The following USH1C variants were observed in gnomAD, a reference collection of about 807,000 sequenced individuals.
USH1C encodes harmonin.
Under a neutral mutation model 119.3 loss-of-function variants are expected in USH1C, and 90 were observed. The observed-to-expected ratio is 0.75, with a 90% CI of 0.64 to 0.90. The LOEUF (loss-of-function observed/expected upper bound fraction) is 0.90. USH1C is among the 40% of genes least tolerant of loss of function. The probability of loss-of-function intolerance (pLI) is 0.00; values close to 1 mark genes in which losing one functional copy is unlikely to be tolerated. For missense variants in USH1C, 1,165 were observed against 1,167.7 expected, an observed-to-expected ratio of 1.00 and a Z score of 0.03; for synonymous variants, 465 against 443.3, an observed-to-expected ratio of 1.05 and a Z score of -0.62.
At chr11:17,536,314 C>T (rs1554964488) in intron 1 of USH1C, among the ~76,000 whole-genome samples, 1 of 152,240 alleles carries the variant, frequency 6.6e-6, no homozygotes, top group Non-Finnish European at 1.5e-5. Context: ...TCTTATCCCT[C>T]TTTGCAGAAA....
At position 17,523,775 on chromosome 11, in the gene USH1C, C is replaced by T. The variant is rs558490418; in HGVS notation, c.760-297G>A. 6.6e-5 allele frequency among the ~76,000 whole-genome samples: 10 copies of T among 152,348 alleles called. No individual in the cohort carries two copies. The South Asian group carries it at 2.1e-3, about 32-fold the overall frequency. ...CATTTGCTTTAAAAATCACAGTTTG[C>T]AGATGCGGGAACCTTTGAGCTTCTC... is the stretch of plus-strand genomic sequence containing the variant. On this transcript the variant is annotated intron_variant, in intron 9 of 26. Coordinates refer to ENST00000005226, the MANE Select transcript of USH1C (RefSeq NM_153676.4).
intron 23 of USH1C, among the ~76,000 whole-genome samples, chr11:17,500,213 G>T (rs1231247923): frequency 6.6e-6 from 1 of 152,166 alleles, no homozygotes; most frequent in East Asian, 1.9e-4. Context: ...CAGGGTATGG[G>T]GGCCTCTGGC....
At position 17,533,368 on chromosome 11, in the gene USH1C, C is replaced by CCA. The variant is rs200451256; in HGVS notation, c.37-47_37-46insTG. ...ATCACAGCTCCAGGCTCAGCACCCGCCCCCATAGCAGACCTCAGGGAGGAG... is the reference window on the plus strand; with the variant it reads ...ATCACAGCTCCAGGCTCAGCACCCGCCACCCCATAGCAGACCTCAGGGAGGAG... On this transcript the variant is annotated intron_variant, in intron 1 of 26. Coordinates refer to ENST00000005226, the MANE Select transcript of USH1C (RefSeq NM_153676.4). 1,022 of 1,380,358 alleles carry CCA rather than the reference C, an allele frequency of 7.4e-4. 11 individuals are homozygous for CCA. In the Middle Eastern group the frequency reaches 0.012, roughly 17 times the overall value. 85.5% of individuals were successfully genotyped at this position (1,380,358 alleles called of 1,614,324 possible).
chr11:17,524,286 T>C (rs943994158), intron 9 of USH1C, among the ~76,000 whole-genome samples, 165 bp downstream of exon 9: 1 of 152,138 alleles, frequency 6.6e-6, no homozygotes, highest in African/African-American at 2.4e-5. Context: ...GGGTCAAACA[T>C]CCCCAGTCTG....
At chr11:17,501,348 G>A (rs1450093618) in intron 22 of USH1C, 134 bp downstream of exon 22, 5 of 1,165,460 alleles carry the variant, frequency 4.3e-6, no homozygotes, top group East Asian at 2.6e-5. Context: ...GGGCGTCTCC[G>A]TGGGAGAGGG....
intron 15 of USH1C, among the ~76,000 whole-genome samples, chr11:17,512,313 A>G (rs1266600127): frequency 6.6e-6 from 1 of 152,192 alleles, no homozygotes; most frequent in Non-Finnish European, 1.5e-5. Context: ...GGCCTTGGCT[A>G]AGTTCCTTAA....
Position 17,531,718 on chromosome 11 carries a change from C to T in USH1C, c.105-176G>A, listed in dbSNP as rs947875057. Among the ~76,000 whole-genome samples the T allele has an allele frequency of 6.6e-6, 1 of 152,142 alleles. No individual in the cohort carries two copies. The highest frequency in any genetic ancestry group is 1.9e-4 in the East Asian group (1 of 5,196). ...CCAGTGCCTGAGAAGACTTTGTTCT[C>T]TTATATAAATATCCCCAGGAAACCA... On this transcript the variant is annotated intron_variant, in intron 2 of 26. Transcript: ENST00000005226. This position sits in a 1 kb window ranked among gnomAD's most constrained non-coding sequence, Gnocchi z 4.2.
chr11:17,541,813 T>C (rs1341953754), intron 1 of USH1C, among the ~76,000 whole-genome samples: 1 of 152,222 alleles, frequency 6.6e-6, no homozygotes, highest in Admixed American at 6.5e-5. Flanking sequence ...GTGGTTACTG[T>C]GGGCCCAGAG....
At chr11:17,507,828 T>C (rs988582045) in intron 18 of USH1C, among the ~76,000 whole-genome samples, 19 of 152,158 alleles carry the variant, frequency 1.2e-4, no homozygotes, top group African/African-American at 4.6e-4. Context: ...CCATCCTCCA[T>C]GTGTTGCCAT....
rs182852921 is a variant in USH1C at position 17,497,582 on chromosome 11, C to T, written c.2490+580G>A. Among the ~76,000 whole-genome samples, 7 of 152,338 alleles carry T rather than the reference C, an allele frequency of 4.6e-5. No individual in the cohort carries two copies. In the East Asian group the frequency reaches 1.3e-3, roughly 29 times the overall value. On this transcript the variant is annotated intron_variant, in intron 24 of 26. Coordinates refer to ENST00000005226, the MANE Select transcript of USH1C (RefSeq NM_153676.4). ...CCCAGGCCCATCTGGTCAGCTTCCTCGGCACTGAACTTAATACCTCAGGCT... is the reference window on the plus strand; with the variant it reads ...CCCAGGCCCATCTGGTCAGCTTCCTTGGCACTGAACTTAATACCTCAGGCT...
At chr11:17,510,545 A>G (rs945033541) in intron 16 of USH1C, 24 bp from the exon 17 acceptor site, 5 of 1,573,844 alleles carry the variant, frequency 3.2e-6, no homozygotes, top group Non-Finnish European at 4.4e-6. Context: ...TCGGCGCAGA[A>G]AGGAGAGGAC....
intron 12 of USH1C, 124 bp downstream of exon 12, chr11:17,522,660 G>T: frequency 6.9e-7 from 1 of 1,441,286 alleles, no homozygotes; most frequent in Non-Finnish European, 9.7e-7. Context: ...CATCTGGTCT[G>T]AGGACTGGCC....
rs756008323 is a variant in USH1C, at chr11:17,509,494, C to A, written c.1875G>T (p.Ala625=). The A allele has an allele frequency of 4.4e-6, 7 of 1,594,370 alleles. No homozygotes were observed. The highest frequency in any genetic ancestry group is 2.3e-5 in the East Asian group (1 of 43,528). The part of the protein sequence containing the change: ...DLTPTRPLPS[A]LEEALSNHPF... ...GATGGTTGCTCAGTGCTTCTTCCAG[C>A]GCCGAGGGCAGTGGGCGGGTGGGAG... The change falls in exon 18 of 27, where the codon GCG becomes GCT. Residue 625 remains alanine (A), a synonymous_variant. Transcript: ENST00000005226.
chr11:17,533,962 A>G (rs1851117678), intron 1 of USH1C: 1 of 290,024 alleles, frequency 3.4e-6, no homozygotes, highest in Admixed American at 4.1e-5. Flanking sequence ...GTCAGGTTAC[A>G]TCATTTCAAC....
intron 1 of USH1C, among the ~76,000 whole-genome samples, chr11:17,534,119 C>T (rs1851126293): frequency 1.3e-5 from 2 of 152,244 alleles, no homozygotes; most frequent in Non-Finnish European, 2.9e-5. Context: ...TCTCTTCAGC[C>T]CAAGAACGGG....
chr11:17,544,373 T>G lies in USH1C; in HGVS notation c.-66A>C. Reference sequence around the variant, plus strand: ...CTTCGGGTGCCCGGCTGCCAGGAGCTGGAAAGAGCCGCGACCGCGACCGGG... The same window carrying G: ...CTTCGGGTGCCCGGCTGCCAGGAGCGGGAAAGAGCCGCGACCGCGACCGGG... On this transcript the variant is annotated 5_prime_UTR_variant, in exon 1 of 27. Transcript: ENST00000005226. The G allele has an allele frequency of 6.2e-7, 1 of 1,611,028 alleles. No homozygotes were observed. The highest frequency in any genetic ancestry group is 8.5e-7 in the Non-Finnish European group (1 of 1,178,476).
intron 15 of USH1C, among the ~76,000 whole-genome samples, chr11:17,513,247 G>C (rs1253782317): frequency 2.0e-5 from 3 of 152,106 alleles, no homozygotes; most frequent in African/African-American, 4.8e-5. Context: ...GTGGAGGACA[G>C]AGCGAGCATT....
Position 17,496,195 on chromosome 11 carries a change from A to G in USH1C, c.2547-518T>C, listed in dbSNP as rs528712643. ...AGGAAGGAAAGGGTGAAAGAAAGAC[A>G]GAGAGGGAGGAGGAGAGAAGACAGA... is the stretch of plus-strand genomic sequence containing the variant. On this transcript the variant is annotated intron_variant, in intron 25 of 26. Transcript: ENST00000005226. 8.5e-5 allele frequency among the ~76,000 whole-genome samples: 13 copies of G among 152,166 alleles called. No homozygotes were observed. In the South Asian group the frequency reaches 2.3e-3, roughly 27 times the overall value.
At chr11:17,503,853 C>T (rs905615366) in intron 20 of USH1C, among the ~76,000 whole-genome samples, 9 of 152,228 alleles carry the variant, frequency 5.9e-5, no homozygotes, top group Non-Finnish European at 1.3e-4. Flanking sequence ...TTGACAAATC[C>T]TTGGGCTGGG....
Sources: gnomAD v4.1 joint callset for allele counts (sites outside exome capture counted in the v4.1 genomes callset) on GRCh38, gnomAD v4.1.1 for gene constraint, Gnocchi (gnomAD v3.1) non-coding constraint, MANE v1.5 for transcripts, NCBI Gene and HGNC (gene_info 2026-07-23, HGNC 2026-07-21) for gene names.